DPP10: variants seen among roughly 807,000 people sequenced by gnomAD.
DPP10 encodes inactive dipeptidyl peptidase 10.
DPP10 carries 33 observed loss-of-function variants against 120.9 expected under a neutral mutation model. The ratio of observed to expected loss-of-function variants is 0.27; its 90% confidence interval spans 0.21 to 0.37. The LOEUF is 0.37. DPP10 is among the 10% of genes least tolerant of loss of function. The pLI is 1.00. For synonymous variants in DPP10, 337 were observed against 326.1 expected, an observed-to-expected ratio of 1.03 and a Z score of -0.36; for missense variants, 816 against 942.8, an observed-to-expected ratio of 0.87 and a Z score of 1.76.
chr2:115,644,281 T>A (rs2087037102), intron 5 of DPP10, among the ~76,000 whole-genome samples: 1 of 152,284 alleles, frequency 6.6e-6, no homozygotes, highest in East Asian at 1.9e-4. Flanking sequence ...TCATTTACGT[T>A]AGGTATATCT....
chr2:115,547,130 T>C (rs938727299), intron 5 of DPP10, among the ~76,000 whole-genome samples: 6 of 152,160 alleles, frequency 3.9e-5, no homozygotes, highest in Non-Finnish European at 5.9e-5. Flanking sequence ...CATCCCAGTA[T>C]TGCCCTACAG....
rs903269857 is a variant in DPP10 at position 114,834,870 on chromosome 2, A to C, written c.60+392032A>C. Among the ~76,000 whole-genome samples, 99 of 134,646 alleles carry C rather than the reference A, an allele frequency of 7.4e-4. 2 individuals carry two copies. The highest frequency in any genetic ancestry group is 9.4e-4 in the South Asian group (4 of 4,268). The allele number at this position is 134,646 out of a possible 152,430, so 88.3% of individuals were successfully genotyped here. A position where few individuals can be genotyped will look rare whatever the true frequency, so the allele number is the denominator to read the frequency against. On this transcript the variant is annotated intron_variant, in intron 1 of 25. Transcript: ENST00000410059. ...GTCTACACACCTATGTATATAAAAG[A>C]CATATCTACACAACTATGTATATAT...
chr2:115,527,347 A>T (rs1468744633), intron 5 of DPP10, among the ~76,000 whole-genome samples: 1 of 152,156 alleles, frequency 6.6e-6, no homozygotes, highest in Admixed American at 6.6e-5. Context: ...AAGCCCACAA[A>T]AAACAAAAAC....
chr2:115,483,468 T>TA (rs1352956022), intron 3 of DPP10, among the ~76,000 whole-genome samples: 3 of 87,456 alleles, frequency 3.4e-5, no homozygotes, highest in Non-Finnish European at 6.6e-5. Context: ...TCTATCTATC[T>TA]ATCTATCTAT....
chr2:114,974,180 G>A (rs1045525161), intron 1 of DPP10, among the ~76,000 whole-genome samples: 5 of 152,178 alleles, frequency 3.3e-5, no homozygotes, highest in African/African-American at 4.8e-5. Flanking sequence ...AGGCCCTCTC[G>A]TTCACTCACA....
chr2:115,297,760 C>T (rs1008310768), intron 1 of DPP10, among the ~76,000 whole-genome samples: 5 of 152,030 alleles, frequency 3.3e-5, no homozygotes, highest in African/African-American at 1.2e-4. Context: ...TAGTTCTAGG[C>T]AGAATGTAGC....
chr2:115,125,574 T>TTC (rs1360123914), intron 1 of DPP10, among the ~76,000 whole-genome samples: 57 of 146,128 alleles, frequency 3.9e-4, no homozygotes, highest in Non-Finnish European at 3.5e-4. Context: ...ATGGCTTTTT[T>TTC]TTTTTTTTTT....
chr2:115,137,476 C>T (rs563476426), intron 1 of DPP10, among the ~76,000 whole-genome samples: 7 of 152,252 alleles, frequency 4.6e-5, no homozygotes, highest in Non-Finnish European at 7.4e-5. Flanking sequence ...CAGAGGATAG[C>T]GACATAGGGA....
chr2:115,206,894 C>T (rs545743696), intron 1 of DPP10, among the ~76,000 whole-genome samples: 18 of 152,158 alleles, frequency 1.2e-4, no homozygotes, highest in Non-Finnish European at 1.9e-4. Flanking sequence ...GCTGAGGGTT[C>T]TATAGGCTTT....
intron 3 of DPP10, among the ~76,000 whole-genome samples, chr2:115,346,422 G>A (rs1574504184): frequency 6.6e-6 from 1 of 152,230 alleles, no homozygotes; most frequent in East Asian, 1.9e-4. Context: ...AGGGGAAGGA[G>A]GGAGTCTAGA....
intron 1 of DPP10, among the ~76,000 whole-genome samples, chr2:114,615,920 G>C (rs1693640477): frequency 6.6e-6 from 1 of 152,084 alleles, no homozygotes; most frequent in Non-Finnish European, 1.5e-5. Context: ...TATCTGATAA[G>C]GTGTAGCCAT....
At chr2:115,616,388 A>G (rs1202622362) in intron 5 of DPP10, among the ~76,000 whole-genome samples, 4 of 151,904 alleles carry the variant, frequency 2.6e-5, no homozygotes, top group Non-Finnish European at 5.9e-5. Flanking sequence ...AACCATGGTT[A>G]TGCCGCTACT....
At chr2:114,474,693 A>G (rs1387403018) in intron 1 of DPP10, among the ~76,000 whole-genome samples, 1 of 152,206 alleles carries the variant, frequency 6.6e-6, no homozygotes, top group Non-Finnish European at 1.5e-5. Context: ...GGGAAAAACT[A>G]AAGGTAAGTA....
chr2:115,420,205 T>G (rs1355779403), intron 3 of DPP10, among the ~76,000 whole-genome samples: 1 of 152,172 alleles, frequency 6.6e-6, no homozygotes, highest in African/African-American at 2.4e-5. Context: ...AGTATCACTT[T>G]GATAATCACT....
chr2:114,769,636 A>G (rs1264430901), intron 1 of DPP10, among the ~76,000 whole-genome samples: 2 of 152,330 alleles, frequency 1.3e-5, no homozygotes, highest in Non-Finnish European at 2.9e-5. Flanking sequence ...AATTTTCAGT[A>G]GGTCAAATGT....
At chr2:115,191,990 T>A (rs1422892031) in intron 1 of DPP10, among the ~76,000 whole-genome samples, 4 of 152,204 alleles carry the variant, frequency 2.6e-5, no homozygotes, top group African/African-American at 9.7e-5. Flanking sequence ...AGGATAGGCC[T>A]ATGTCTTTTT....
At chr2:114,451,104 T>C (rs10192393) in intron 1 of DPP10, among the ~76,000 whole-genome samples, 50,761 of 151,824 alleles carry the variant, frequency 0.33, 8,797 homozygotes, top group Middle Eastern at 0.44. Flanking sequence ...ATTTTTTTTT[T>C]TGATTCAGTG....
At chr2:115,377,906 G>T (rs369325090) in intron 3 of DPP10, among the ~76,000 whole-genome samples, 1 of 151,968 alleles carries the variant, frequency 6.6e-6, no homozygotes, top group Non-Finnish European at 1.5e-5. Context: ...TGTTCCATTG[G>T]TCTATATCTC....
chr2:115,509,806 A>C (rs2077132233), intron 4 of DPP10, among the ~76,000 whole-genome samples: 1 of 152,208 alleles, frequency 6.6e-6, no homozygotes, highest in Admixed American at 6.5e-5. Context: ...AGGTGGTTGC[A>C]TGGATTTGCC....
Sources: gnomAD v4.1 joint callset for allele counts (sites outside exome capture counted in the v4.1 genomes callset) on GRCh38, gnomAD v4.1.1 for gene constraint, MANE v1.5 for transcripts, NCBI Gene and HGNC (gene_info 2026-07-23, HGNC 2026-07-21) for gene names.